Variants in AP3M1 observed in about 807,000 individuals in gnomAD.
AP3M1 encodes adaptor related protein complex 3 subunit mu 1.
Under a neutral mutation model 42.6 loss-of-function variants are expected in AP3M1, and 29 were observed. The ratio of observed to expected loss-of-function variants is 0.68; its 90% confidence interval spans 0.51 to 0.93. The LOEUF (loss-of-function observed/expected upper bound fraction) is 0.93, where lower values mean the gene tolerates loss of function less well. Among genes scored for constraint, AP3M1 ranks in the 40% least tolerant of loss-of-function variants. The probability of loss-of-function intolerance (pLI) is 0.00; values close to 1 mark genes in which losing one functional copy is unlikely to be tolerated. For missense variants in AP3M1, 416 were observed against 510.2 expected, an observed-to-expected ratio of 0.82 and a Z score of 1.78; for synonymous variants, 178 against 175.3, an observed-to-expected ratio of 1.02 and a Z score of -0.12.
chr10:74,135,996 T>A (rs1840928638), intron 3 of AP3M1, among the ~76,000 whole-genome samples: 1 of 152,226 alleles, frequency 6.6e-6, no homozygotes, highest in Non-Finnish European at 1.5e-5. Context: ...CTAAAAGACT[T>A]TAATGCTTTC....
intron 4 of AP3M1, among the ~76,000 whole-genome samples, chr10:74,131,034 C>T (rs944978896): frequency 6.6e-6 from 1 of 152,050 alleles, no homozygotes; most frequent in South Asian, 2.1e-4. Flanking sequence ...ATCGCTTGAA[C>T]GTAGAAGGCG....
At chr10:74,147,402 A>G (rs1180546940) in intron 1 of AP3M1, among the ~76,000 whole-genome samples, 2 of 152,198 alleles carry the variant, frequency 1.3e-5, no homozygotes, top group East Asian at 3.8e-4. Flanking sequence ...CACCCTGCCA[A>G]TCAAATTCCT....
rs139584119 is a variant in AP3M1 at position 74,130,830 on chromosome 10, G to A, written c.584-838C>T. On this transcript the variant is annotated intron_variant, in intron 4 of 8. Transcript: ENST00000355264. ...ACTGGATATGAGTTTAAAACATTTG[G>A]CAGGACGCAGTGGCTCATGCCTGTA... Among the ~76,000 whole-genome samples, 67 of 152,270 alleles carry A rather than the reference G, an allele frequency of 4.4e-4. 1 individual carries two copies. In the East Asian group the frequency reaches 0.012, roughly 26 times the overall value.
chr10:74,131,077 A>G (rs529545774), intron 4 of AP3M1, among the ~76,000 whole-genome samples: 1 of 152,302 alleles, frequency 6.6e-6, no homozygotes, highest in Non-Finnish European at 1.5e-5. Context: ...ACAACACTGC[A>G]CTACAGCCTG....
chr10:74,131,863 T>C (rs1386877864), intron 4 of AP3M1, among the ~76,000 whole-genome samples: 1 of 151,858 alleles, frequency 6.6e-6, no homozygotes, highest in Non-Finnish European at 1.5e-5. Flanking sequence ...TTCTATAAGA[T>C]GGAATGTTAT....
In AP3M1 at chr10:74,126,252, T is replaced by C. The variant is rs1246293218; in HGVS notation, c.907A>G (p.Lys303Glu). ...ITIGPKQNMG[K>E]TIEGITVTVH... is the part of the protein sequence containing the mutation. The stretch of plus-strand genomic sequence containing the variant: ...GTCACTGTAATTCCTTCAATAGTTT[T>C]CCCCATATTCTGCTTTGGTCCAATT... The change falls in exon 7 of 9, where the codon AAA becomes GAA. Residue 303 changes from lysine to glutamate, a missense_variant. Lys to Glu is a moderately conservative substitution (Grantham distance 56). Transcript: ENST00000355264. 2 of 1,614,192 alleles carry C rather than the reference T, an allele frequency of 1.2e-6. No homozygotes were observed. Among genetic ancestry groups the C allele is most frequent in the Non-Finnish European group, 1.7e-6 (2 of 1,180,026 alleles).
intron 1 of AP3M1, among the ~76,000 whole-genome samples, chr10:74,149,306 T>C (rs865830607): frequency 1.8e-3 from 169 of 94,610 alleles, no homozygotes; most frequent in African/African-American, 4.2e-3. Flanking sequence ...TTTTTTTTTT[T>C]CGAGGCAGAG....
chr10:74,129,058 G>A (rs750369352), intron 6 of AP3M1, 50 bp downstream of exon 6: 6 of 1,602,464 alleles, frequency 3.7e-6, no homozygotes, highest in Middle Eastern at 1.7e-4. Context: ...GGAAAGGTGA[G>A]TTGTACTTGA....
chr10:74,140,207 G>T (rs956299531), intron 1 of AP3M1, among the ~76,000 whole-genome samples: 1 of 152,190 alleles, frequency 6.6e-6, no homozygotes, highest in Admixed American at 6.5e-5. Flanking sequence ...CCCAGCCCGA[G>T]CCTGCGTTTC....
intron 6 of AP3M1, among the ~76,000 whole-genome samples, chr10:74,128,066 C>T (rs1361336067): frequency 1.5e-5 from 2 of 137,352 alleles, no homozygotes; most frequent in Non-Finnish European, 3.0e-5. Context: ...CACCATTGCA[C>T]TCCAGCCTGA....
chr10:74,126,008 C>G, intron 7 of AP3M1, 140 bp downstream of exon 7: 1 of 815,680 alleles, frequency 1.2e-6, no homozygotes, highest in East Asian at 2.5e-5. Context: ...GTGGCAGAAG[C>G]ACAGCACAGT....
In AP3M1 at chr10:74,124,470, C is replaced by T; in HGVS notation, c.1066G>A (p.Gly356Arg). The T allele has an allele frequency of 3.1e-6, 5 of 1,613,352 alleles. No homozygotes were observed. Among genetic ancestry groups the T allele is most frequent in the Non-Finnish European group, 4.2e-6 (5 of 1,179,738 alleles). ...ITPQKLPSLK[G>R]LVNLQSGAPK... ...GCTCCAGACTGTAAATTTACCAGTCCTTTAAGACTTGGGAGCTTTTGTGGA... is the reference window on the plus strand; with the variant it reads ...GCTCCAGACTGTAAATTTACCAGTCTTTTAAGACTTGGGAGCTTTTGTGGA... The change falls in exon 8 of 9, where the codon GGA becomes AGA. Residue 356 changes from glycine to arginine, a missense_variant. By Grantham distance (125) the Gly-to-Arg change is moderately radical (BLOSUM62 -2). Transcript: ENST00000355264.
At chr10:74,136,205 G>A (rs1004621501) in intron 3 of AP3M1, among the ~76,000 whole-genome samples, 4 of 152,084 alleles carry the variant, frequency 2.6e-5, no homozygotes, top group South Asian at 2.1e-4. Flanking sequence ...GTGGTTAAGC[G>A]TCTTAAATTT....
intron 1 of AP3M1, among the ~76,000 whole-genome samples, chr10:74,142,974 A>G (rs534974363): frequency 9.9e-5 from 15 of 152,264 alleles, no homozygotes; most frequent in Admixed American, 2.6e-4. Context: ...ATCCACAAGC[A>G]GACTCAGATT....
intron 1 of AP3M1, among the ~76,000 whole-genome samples, chr10:74,147,661 G>A (rs1417624124): frequency 2.0e-5 from 3 of 152,108 alleles, no homozygotes; most frequent in Non-Finnish European, 4.4e-5. Context: ...TCTGCTTTGA[G>A]AATGCATGAT....
intron 6 of AP3M1, among the ~76,000 whole-genome samples, chr10:74,127,232 G>T (rs1234390689): frequency 6.6e-6 from 1 of 151,714 alleles, no homozygotes; most frequent in Non-Finnish European, 1.5e-5. Flanking sequence ...AGTACCTCTA[G>T]AACTGCAGAT....
intron 1 of AP3M1, among the ~76,000 whole-genome samples, chr10:74,149,943 T>G (rs1841494565): frequency 1.3e-5 from 2 of 152,240 alleles, no homozygotes; most frequent in East Asian, 1.9e-4. Context: ...AATGACTTTC[T>G]AATTATAAAA....
intron 1 of AP3M1, among the ~76,000 whole-genome samples, chr10:74,141,717 T>C (rs917283963): frequency 1.3e-5 from 2 of 149,106 alleles, no homozygotes; most frequent in Non-Finnish European, 3.0e-5. Flanking sequence ...TATTTTCCTT[T>C]TTTTTTTTTT....
Position 74,126,181 on chromosome 10 carries a change from T to A in AP3M1, c.978A>T (p.Thr326=), listed in dbSNP as rs778552801. The change falls in exon 7 of 9, where the codon ACA becomes ACT. Residue 326 remains threonine (T), a synonymous_variant. Coordinates refer to ENST00000355264, the MANE Select transcript of AP3M1 (RefSeq NM_012095.6). The part of the protein sequence containing the change: ...KVVLNMNLTP[T]QGSYTFDPVT... ...CTGGATCAAATGTATAGCTGCCTTG[T>A]GTGGGTGTCAGGTTCATGTTCAGCA... is the stretch of plus-strand genomic sequence containing the variant. 3.1e-6 allele frequency: 5 copies of A among 1,614,210 alleles called. No individual in the cohort carries two copies. The South Asian group carries it at 5.5e-5, about 18-fold the overall frequency.
Sources: allele counts gnomAD v4.1 joint callset (sites outside exome capture counted in the v4.1 genomes callset), GRCh38; gene constraint gnomAD v4.1.1; transcripts MANE v1.5; gene names NCBI Gene and HGNC (gene_info 2026-07-23, HGNC 2026-07-21).